The following BAZ2B variants were observed in gnomAD, a reference collection of about 807,000 sequenced individuals.
The protein encoded by BAZ2B is bromodomain adjacent to zinc finger domain 2B, also known as bromodomain adjacent to zinc finger domain protein 2B.
A neutral mutation model predicts 246.0 loss-of-function variants in BAZ2B; 91 were observed. The observed-to-expected ratio is 0.37, with a 90% CI of 0.31 to 0.44. BAZ2B has a LOEUF of 0.44. Ranked by LOEUF, BAZ2B falls within the 20% of genes least tolerant of loss-of-function variation. The pLI is 1.00. For missense variants in BAZ2B, 2,332 were observed against 2,533.7 expected (o/e 0.92, Z 1.71); for synonymous variants, 855 against 860.0 (o/e 0.99, Z 0.10).
At chr2:159,633,218 A>C in the BAZ2B span, among the ~76,000 whole-genome samples, 1 of 151,414 alleles carries the variant, frequency 6.6e-6, no homozygotes, top group Non-Finnish European at 1.5e-5. Flanking sequence ...AGTTACCAGC[A>C]CACCTCTGTT....
chr2:159,575,477 G>A (rs777298363), intron 1 of BAZ2B, among the ~76,000 whole-genome samples: 2 of 152,150 alleles, frequency 1.3e-5, no homozygotes, highest in Non-Finnish European at 2.9e-5. Flanking sequence ...GTAAATGGAG[G>A]AATTCATTAA....
At position 159,431,039 on chromosome 2, in the gene BAZ2B, T is replaced by C. The variant is rs999200691; in HGVS notation, c.2018A>G (p.Asn673Ser). 3.1e-6 allele frequency: 5 copies of C among 1,614,034 alleles called. No individual in the cohort carries two copies. The highest frequency in any genetic ancestry group is 4.5e-5 in the East Asian group (2 of 44,874). Reference protein sequence around the residue: ...TEGEKTSMKLNKTTSSVKSPS... With the variant: ...TEGEKTSMKLSKTTSSVKSPS... ...GCTTTTGACAGAGGAAGTTGTTTTA[T>C]TCAGTTTCATTGAAGTTTTCTCTCC... Residue 673 changes from asparagine to serine, a missense_variant, in exon 10 of 37, where the codon AAT becomes AGT. Around this residue, in one of 9 missense-constraint regions of BAZ2B, gnomAD observed 651 missense variants for 650.9 expected, o/e 1.00. Coordinates refer to ENST00000392783, the MANE Select transcript of BAZ2B (RefSeq NM_013450.4).
At chr2:159,501,864 C>T (rs1449962415) in intron 2 of BAZ2B, among the ~76,000 whole-genome samples, 1 of 152,106 alleles carries the variant, frequency 6.6e-6, no homozygotes, top group Non-Finnish European at 1.5e-5. Context: ...TATGTCTATA[C>T]AAAAACTGGT....
At chr2:159,443,511 C>T (rs956001677) in intron 6 of BAZ2B, among the ~76,000 whole-genome samples, 7 of 151,992 alleles carry the variant, frequency 4.6e-5, no homozygotes, top group Non-Finnish European at 8.8e-5. Flanking sequence ...GTTTTGAAAA[C>T]TGAAGAAATA....
chr2:159,673,848 G>T, the BAZ2B span, among the ~76,000 whole-genome samples: 40 of 151,914 alleles, frequency 2.6e-4, no homozygotes, highest in African/African-American at 9.2e-4. Context: ...CACACAGAAT[G>T]AAAACCAAAA....
chr2:159,362,226 C>T (rs2059788199), intron 27 of BAZ2B, among the ~76,000 whole-genome samples: 1 of 152,062 alleles, frequency 6.6e-6, no homozygotes, highest in Non-Finnish European at 1.5e-5. Flanking sequence ...TCCCACTTCC[C>T]TGAGAGGCAG....
intron 13 of BAZ2B, among the ~76,000 whole-genome samples, chr2:159,426,016 T>C (rs960781139): frequency 4.6e-5 from 7 of 152,228 alleles, no homozygotes; most frequent in African/African-American, 9.6e-5. Flanking sequence ...AATTCCTGTG[T>C]ACTAATTTTG....
Position 159,432,766 on chromosome 2 carries a change from T to G in BAZ2B, c.1891A>C (p.Ser631Arg). Residue 631 changes from serine to arginine, a missense_variant, in exon 9 of 37, where the codon AGC becomes CGC. Transcript: ENST00000392783. The stretch of plus-strand genomic sequence containing the variant: ...TTAAAATGAAAATAACCTGATTGGC[T>G]GTCATCAGATTCATCATCTTCATCA... ...EDDEDDESDD[S>R]QSESDSNSES... 1 of 1,610,804 alleles carries G rather than the reference T, an allele frequency of 6.2e-7. No individual in the cohort carries two copies.
At chr2:159,377,968 C>A (rs1046792456) in intron 25 of BAZ2B, among the ~76,000 whole-genome samples, 5 of 152,084 alleles carry the variant, frequency 3.3e-5, no homozygotes, top group Non-Finnish European at 7.4e-5. Context: ...CAAATAATTT[C>A]TGTAAATAAA....
chr2:159,644,610 C>T, the BAZ2B span, among the ~76,000 whole-genome samples: 1 of 152,332 alleles, frequency 6.6e-6, no homozygotes, highest in African/African-American at 2.4e-5. Flanking sequence ...AACAGCTCTA[C>T]GTTCCTGCCC....
chr2:159,627,450 C>T, the BAZ2B span, among the ~76,000 whole-genome samples: 1 of 151,932 alleles, frequency 6.6e-6, no homozygotes, highest in Non-Finnish European at 1.5e-5. Flanking sequence ...TCCAGCAGCA[C>T]ATCAAAAAGC....
chr2:159,361,655 T>C (rs770824291), intron 27 of BAZ2B, among the ~76,000 whole-genome samples: 1 of 152,188 alleles, frequency 6.6e-6, no homozygotes, highest in Non-Finnish European at 1.5e-5. Flanking sequence ...CACATGCACA[T>C]GTATGTTTAT....
intron 22 of BAZ2B, 65 bp downstream of exon 22, chr2:159,386,288 T>G (rs758809588): frequency 3.5e-6 from 5 of 1,429,674 alleles, no homozygotes; most frequent in Non-Finnish European, 4.7e-6. Context: ...GCTAATATGC[T>G]AAAGCTATCT....
chr2:159,371,052 C>T (rs1438564877), intron 27 of BAZ2B, among the ~76,000 whole-genome samples: 1 of 152,190 alleles, frequency 6.6e-6, no homozygotes, highest in Non-Finnish European at 1.5e-5. Context: ...AGGTAATCTG[C>T]CCGCGTTGAC....
At chr2:159,538,048 G>A (rs1253608069) in intron 2 of BAZ2B, among the ~76,000 whole-genome samples, 3 of 152,130 alleles carry the variant, frequency 2.0e-5, no homozygotes, top group African/African-American at 7.2e-5. Flanking sequence ...TCAGGCTGCA[G>A]TGCAGTGGCC....
At chr2:159,411,063 C>G (rs1317095739) in intron 14 of BAZ2B, among the ~76,000 whole-genome samples, 1 of 152,192 alleles carries the variant, frequency 6.6e-6, no homozygotes, top group Non-Finnish European at 1.5e-5. Flanking sequence ...ACTCTGTCAG[C>G]CAGGCTGAAG....
chr2:159,519,470 T>G (rs1323411190), intron 2 of BAZ2B, among the ~76,000 whole-genome samples: 2 of 150,000 alleles, frequency 1.3e-5, no homozygotes, highest in Non-Finnish European at 3.0e-5. Context: ...GACCTCATGA[T>G]CCACCCGCCT....
At chr2:159,429,729 C>T (rs1164746962) in intron 10 of BAZ2B, among the ~76,000 whole-genome samples, 1 of 152,002 alleles carries the variant, frequency 6.6e-6, no homozygotes, top group Non-Finnish European at 1.5e-5. Flanking sequence ...TTTAATTAAC[C>T]TAAGCCACCA....
the BAZ2B span, among the ~76,000 whole-genome samples, chr2:159,700,296 G>A: frequency 6.6e-6 from 1 of 152,150 alleles, no homozygotes; most frequent in Admixed American, 6.5e-5. Context: ...ATATAAAAAG[G>A]TGTACTATTT....
Sources: gnomAD v4.1 joint callset for allele counts (sites outside exome capture counted in the v4.1 genomes callset) on GRCh38, gnomAD v4.1.1 for gene constraint, gnomAD v4.1.1 regional missense constraint, MANE v1.5 for transcripts, NCBI Gene and HGNC (gene_info 2026-07-23, HGNC 2026-07-21) for gene names.